TAFA1: variants seen among roughly 807,000 people sequenced by gnomAD.
TAFA1 encodes the protein TAFA chemokine like family member 1.
Under a neutral mutation model 18.5 loss-of-function variants are expected in TAFA1, and 4 were observed. The ratio of observed to expected loss-of-function variants is 0.22; its 90% CI spans 0.11 to 0.49. The LOEUF (loss-of-function observed/expected upper bound fraction) is 0.49. Among genes scored for constraint, TAFA1 ranks in the 20% least tolerant of loss-of-function variants. The pLI is 0.98. For missense variants in TAFA1, 147 were observed against 169.0 expected (o/e 0.87, Z 0.72); for synonymous variants, 56 against 55.2 (o/e 1.01, Z -0.06).
At chr3:68,503,510 G>C (rs2072696254) in intron 3 of TAFA1, among the ~76,000 whole-genome samples, 2 of 152,206 alleles carry the variant, frequency 1.3e-5, no homozygotes, top group African/African-American at 4.8e-5. Context: ...CAAACTAGAG[G>C]TCAATAGGGG....
Position 68,153,219 on chromosome 3 carries a change from A to AATATAG in TAFA1, c.118+146476_118+146477insTATAGA, listed in dbSNP as rs1390970928. Among the ~76,000 whole-genome samples the AATATAG allele has an allele frequency of 3.3e-5, 5 of 152,328 alleles. No homozygotes were observed. The East Asian group carries it at 9.6e-4, about 29-fold the overall frequency. Reference sequence around the variant, plus strand: ...CAAAATCTAACACGATCCAGTGCTCAACCAGGTGTGTCTATATATAGATCC... The same window carrying AATATAG: ...CAAAATCTAACACGATCCAGTGCTCAATATAGACCAGGTGTGTCTATATATAGATCC... On this transcript the variant is annotated intron_variant, in intron 2 of 4. Transcript: ENST00000478136.
intron 2 of TAFA1, among the ~76,000 whole-genome samples, chr3:68,342,828 A>G (rs1425462887): frequency 6.6e-6 from 1 of 152,230 alleles, no homozygotes; most frequent in African/African-American, 2.4e-5. Flanking sequence ...TCTGGCCTTT[A>G]CAATATGAGC....
At chr3:68,382,156 T>A (rs1045282930) in intron 2 of TAFA1, among the ~76,000 whole-genome samples, 3 of 152,206 alleles carry the variant, frequency 2.0e-5, no homozygotes, top group Non-Finnish European at 2.9e-5. Context: ...ATAAGCTTTT[T>A]GATGTGCTGC....
intron 3 of TAFA1, among the ~76,000 whole-genome samples, chr3:68,537,791 T>C (rs1119904): frequency 0.94 from 142,388 of 152,250 alleles, 67,149 homozygotes; most frequent in Non-Finnish European, 1. Context: ...CATATGCATT[T>C]GGCATAAAAA....
chr3:68,173,320 T>C (rs1039704565), intron 2 of TAFA1, among the ~76,000 whole-genome samples: 4 of 147,494 alleles, frequency 2.7e-5, no homozygotes, highest in Non-Finnish European at 4.4e-5. Flanking sequence ...AAGAGCCCTA[T>C]ATAAATAAAT....
chr3:68,497,917 G>C (rs934757818), intron 3 of TAFA1, among the ~76,000 whole-genome samples: 1 of 152,130 alleles, frequency 6.6e-6, no homozygotes, highest in Non-Finnish European at 1.5e-5. Flanking sequence ...AGCAGTCATT[G>C]CTACAGGAAA....
chr3:68,132,781 T>C (rs2065558760), intron 2 of TAFA1, among the ~76,000 whole-genome samples: 1 of 152,198 alleles, frequency 6.6e-6, no homozygotes, highest in East Asian at 1.9e-4. Flanking sequence ...TATTAGCCCT[T>C]TTTCTGATGG....
chr3:68,240,799 T>C (rs1288974985), intron 2 of TAFA1, among the ~76,000 whole-genome samples: 1 of 152,224 alleles, frequency 6.6e-6, no homozygotes, highest in Non-Finnish European at 1.5e-5. Flanking sequence ...AGAACTCATG[T>C]ATATTCCTTT....
chr3:68,208,282 C>T (rs2066551283), intron 2 of TAFA1, among the ~76,000 whole-genome samples: 3 of 151,838 alleles, frequency 2.0e-5, no homozygotes, highest in South Asian at 2.1e-4. Flanking sequence ...CCTTAGAGCT[C>T]GTCGTGTTGA....
chr3:68,425,610 G>A (rs1239729299), intron 3 of TAFA1, among the ~76,000 whole-genome samples: 1 of 151,934 alleles, frequency 6.6e-6, no homozygotes, highest in Non-Finnish European at 1.5e-5. Context: ...TAAGAGGAAT[G>A]AGAGGATGAA....
chr3:68,444,738 C>A (rs1262138833), intron 3 of TAFA1, among the ~76,000 whole-genome samples: 1 of 144,646 alleles, frequency 6.9e-6, no homozygotes, highest in Admixed American at 7.1e-5. Flanking sequence ...TTTAGACCAG[C>A]CTGGGCAACA....
intron 2 of TAFA1, among the ~76,000 whole-genome samples, chr3:68,098,836 A>G (rs926282220): frequency 3.3e-5 from 5 of 152,068 alleles, no homozygotes; most frequent in African/African-American, 9.7e-5. Context: ...AATACAGAAC[A>G]CAGAAATAAA....
chr3:68,007,362 G>C (rs1704376391), intron 2 of TAFA1, among the ~76,000 whole-genome samples: 1 of 151,780 alleles, frequency 6.6e-6, no homozygotes, highest in Non-Finnish European at 1.5e-5. Flanking sequence ...TGAATTTTTA[G>C]TTCCGGACGC....
chr3:68,077,820 A>G (rs2064846288), intron 2 of TAFA1, among the ~76,000 whole-genome samples: 1 of 151,952 alleles, frequency 6.6e-6, no homozygotes, highest in Non-Finnish European at 1.5e-5. Context: ...ATGAACTTTA[A>G]AGTAGTTTTT....
intron 3 of TAFA1, among the ~76,000 whole-genome samples, chr3:68,517,915 C>T (rs554761330): frequency 7.2e-6 from 1 of 138,546 alleles, no homozygotes; most frequent in Admixed American, 7.8e-5. Context: ...TATCTGCTCC[C>T]ACTTGCTGAT....
At chr3:68,290,975 C>T (rs2068093636) in intron 2 of TAFA1, among the ~76,000 whole-genome samples, 1 of 151,802 alleles carries the variant, frequency 6.6e-6, no homozygotes, top group Non-Finnish European at 1.5e-5. Flanking sequence ...TTTCACTCTG[C>T]TAAGCTTTAT....
intron 2 of TAFA1, among the ~76,000 whole-genome samples, chr3:68,057,509 C>T (rs755520994): frequency 6.6e-6 from 1 of 152,152 alleles, no homozygotes; most frequent in Non-Finnish European, 1.5e-5. Flanking sequence ...CCTTTTTATA[C>T]ATTAGAAACA....
chr3:68,309,180 G>A (rs979301750), intron 2 of TAFA1, among the ~76,000 whole-genome samples: 3 of 152,086 alleles, frequency 2.0e-5, no homozygotes, highest in Admixed American at 1.3e-4. Flanking sequence ...TGAAATATTT[G>A]TCTATTCTGT....
chr3:68,535,124 G>C (rs1021018593), intron 3 of TAFA1, among the ~76,000 whole-genome samples: 1 of 152,144 alleles, frequency 6.6e-6, no homozygotes, highest in Non-Finnish European at 1.5e-5. Flanking sequence ...TAACTGGACT[G>C]TTTCTGATTA....
Sources: gnomAD v4.1 joint callset for allele counts (sites outside exome capture counted in the v4.1 genomes callset) on GRCh38, gnomAD v4.1.1 for gene constraint, MANE v1.5 for transcripts, NCBI Gene and HGNC (gene_info 2026-07-23, HGNC 2026-07-21) for gene names.